KLC1: variants seen among roughly 807,000 people sequenced by gnomAD.
KLC1 encodes kinesin 2 60/70kDa.
In KLC1, 30 loss-of-function variants were observed where a neutral mutation model predicts 84.2. The ratio of observed to expected loss-of-function variants is 0.36; its 90% CI spans 0.27 to 0.48. The LOEUF is 0.48. Ranked by LOEUF, KLC1 falls within the 20% of genes least tolerant of loss-of-function variation. The pLI is 0.99. For synonymous variants in KLC1, 289 were observed against 293.3 expected (o/e 0.99, Z 0.15); for missense variants, 499 against 805.4 (o/e 0.62, Z 4.60).
At chr14:103,670,104 AAATG>A in intron 6 of KLC1, 74 bp from the exon 7 acceptor site, 1 of 974,502 alleles carries the variant, frequency 1.0e-6, no homozygotes, top group Non-Finnish European at 1.6e-6. Context: ...GATTGAATAT[AAATG>A]AATATGTGGT....
chr14:103,650,568 G>T (rs1389992533), intron 1 of KLC1, among the ~76,000 whole-genome samples: 1 of 150,740 alleles, frequency 6.6e-6, no homozygotes, highest in African/African-American at 2.4e-5. Context: ...GTTACTTAGC[G>T]GTAGCCTGTA....
intron 1 of KLC1, among the ~76,000 whole-genome samples, chr14:103,641,485 G>A (rs554514923): frequency 6.6e-6 from 1 of 152,174 alleles, no homozygotes; most frequent in Non-Finnish European, 1.5e-5. Context: ...CAGGGTGCCA[G>A]CATGGTCAGA....
intron 13 of KLC1, among the ~76,000 whole-genome samples, chr14:103,684,421 G>A (rs909864421): frequency 3.9e-5 from 6 of 152,206 alleles, no homozygotes; most frequent in African/African-American, 1.4e-4. Context: ...AGGCCCTGAA[G>A]TCCAGTTGAA....
At position 103,701,476 on chromosome 14, in the gene KLC1, C is replaced by A. The variant is rs3212096; in HGVS notation, c.*277C>A. On this transcript the variant is annotated 3_prime_UTR_variant, in exon 17 of 17. Transcript: ENST00000334553. The stretch of plus-strand genomic sequence containing the variant: ...CCCACGGCTCCCTTCCCATGTGTAA[C>A]TTCCTCACGTTGTGTGCGATAACGT... 3.3e-3 allele frequency: 1,424 copies of A among 431,216 alleles called. 14 individuals carry two copies. Among genetic ancestry groups the A allele is most frequent in the African/African-American group, 0.025 (1,262 of 50,130 alleles). The allele number at this position is 431,216 out of a possible 1,614,324, so 26.7% of individuals were successfully genotyped here.
intron 1 of KLC1, among the ~76,000 whole-genome samples, chr14:103,634,759 A>T (rs953660978): frequency 2.0e-5 from 3 of 151,694 alleles, no homozygotes; most frequent in Admixed American, 1.3e-4. Context: ...AATATAGTTT[A>T]TGTAGAGACG....
At chr14:103,653,247 G>A (rs1595362675) in intron 1 of KLC1, among the ~76,000 whole-genome samples, 1 of 152,254 alleles carries the variant, frequency 6.6e-6, no homozygotes, top group East Asian at 1.9e-4. Context: ...GGACTCAAGC[G>A]ATCCTTGTGC....
intron 9 of KLC1, among the ~76,000 whole-genome samples, chr14:103,675,050 T>G (rs1231952341): frequency 6.6e-6 from 1 of 152,116 alleles, no homozygotes; most frequent in Non-Finnish European, 1.5e-5. Flanking sequence ...GAAAACAGGC[T>G]GGGCGCGGTG....
At chr14:103,635,615 G>A (rs932507105) in intron 1 of KLC1, among the ~76,000 whole-genome samples, 6 of 152,100 alleles carry the variant, frequency 3.9e-5, no homozygotes, top group African/African-American at 1.4e-4. Context: ...TTAGCCGCGT[G>A]TGGTAGTATG....
chr14:103,689,815 C>T (rs1037106162), intron 14 of KLC1, among the ~76,000 whole-genome samples: 5 of 152,108 alleles, frequency 3.3e-5, no homozygotes, highest in Non-Finnish European at 7.4e-5. Context: ...TAGGAAGAGA[C>T]GTTGAGGATT....
At chr14:103,647,659 C>G (rs1595315798) in intron 1 of KLC1, among the ~76,000 whole-genome samples, 1 of 151,834 alleles carries the variant, frequency 6.6e-6, no homozygotes, top group East Asian at 2.0e-4. Flanking sequence ...GGGCAGATCC[C>G]AAGGTCAAGA....
chr14:103,688,853 TAGC>T (rs2081937023), intron 14 of KLC1, among the ~76,000 whole-genome samples: 1 of 152,236 alleles, frequency 6.6e-6, no homozygotes, highest in South Asian at 2.1e-4. Context: ...TATGGGGACT[TAGC>T]AGCAAATTGC....
Position 103,663,435 on chromosome 14 carries a change from G to A in KLC1, c.797+508G>A, listed in dbSNP as rs150894689. Among the ~76,000 whole-genome samples, 375 of 152,236 alleles carry A rather than the reference G, an allele frequency of 2.5e-3. 2 individuals carry two copies. Among genetic ancestry groups the A allele is most frequent in the African/African-American group, 8.3e-3 (346 of 41,552 alleles). ...TGAATCAGAAGAACAGATGCTGCCC[G>A]TGACCACTCAGTTCAGCTTGTTTAG... On this transcript the variant is annotated intron_variant, in intron 5 of 16. Coordinates refer to ENST00000334553, the MANE Select transcript of KLC1 (RefSeq NM_001394837.1).
chr14:103,692,499 G>A (rs2082178358), intron 15 of KLC1, 74 bp downstream of exon 15: 20 of 1,323,524 alleles, frequency 1.5e-5, no homozygotes, highest in East Asian at 2.5e-5. Flanking sequence ...ACCCGCACTC[G>A]GCCCCTGCTC....
chr14:103,657,454 G>A (rs1237459723), intron 2 of KLC1, 92 bp from the exon 3 acceptor site: 1 of 910,444 alleles, frequency 1.1e-6, no homozygotes, highest in Non-Finnish European at 1.7e-6. Flanking sequence ...GCGAGTGTAA[G>A]CTACAGCCCC....
rs768292819 is a variant in KLC1 at position 103,672,996 on chromosome 14, G to A, written c.988-18G>A. 3 of 1,612,110 alleles carry A rather than the reference G, an allele frequency of 1.9e-6. No individual in the cohort carries two copies. The highest frequency in any genetic ancestry group is 2.5e-6 in the Non-Finnish European group (3 of 1,178,338). On this transcript the variant is annotated intron_variant, in intron 7 of 16. Coordinates refer to ENST00000334553, the MANE Select transcript of KLC1 (RefSeq NM_001394837.1). ...GAAGCAGAACAAGTGTCTCTAATAT[G>A]CTGTTTTTTATTTTCAGGTTTTGGG...
At chr14:103,675,408 A>G (rs1415499371) in intron 9 of KLC1, 144 bp from the exon 10 acceptor site, 1 of 627,982 alleles carries the variant, frequency 1.6e-6, no homozygotes, top group Admixed American at 2.9e-5. Flanking sequence ...TACAGGTTAA[A>G]TATCCCATTA....
intron 7 of KLC1, 55 bp downstream of exon 7, chr14:103,670,338 G>GT: frequency 5.7e-6 from 7 of 1,219,060 alleles, no homozygotes; most frequent in Non-Finnish European, 5.7e-6. Context: ...GTGTGTGTGT[G>GT]GTTTTTTTTT....
intron 5 of KLC1, among the ~76,000 whole-genome samples, chr14:103,664,228 C>T (rs550351146): frequency 1.8e-4 from 27 of 152,088 alleles, no homozygotes; most frequent in Non-Finnish European, 3.5e-4. Context: ...CTCAGCTCAC[C>T]GCAACCTCTG....
chr14:103,696,055 C>G, intron 15 of KLC1: 1 of 984,552 alleles, frequency 1.0e-6, no homozygotes, highest in Non-Finnish European at 1.2e-6. Context: ...AGAGTCAGCA[C>G]CTGTTTCTTC....
Sources: allele counts gnomAD v4.1 joint callset (sites outside exome capture counted in the v4.1 genomes callset), GRCh38; gene constraint gnomAD v4.1.1; transcripts MANE v1.5; gene names NCBI Gene and HGNC (gene_info 2026-07-23, HGNC 2026-07-21).